Variants in LAMC2 observed in about 807,000 individuals in gnomAD.
LAMC2 encodes laminin subunit gamma-2.
In LAMC2, 97 loss-of-function variants were observed where a neutral mutation model predicts 140.2. The ratio of observed to expected loss-of-function variants is 0.69; its 90% CI spans 0.59 to 0.82. The LOEUF (loss-of-function observed/expected upper bound fraction) is 0.82. Among genes scored for constraint, LAMC2 ranks in the 40% least tolerant of loss-of-function variants. LAMC2 has a pLI of 0.00. For missense variants in LAMC2, 1,402 were observed against 1,476.1 expected, an observed-to-expected ratio of 0.95 and a Z score of 0.82; for synonymous variants, 513 against 540.2, an observed-to-expected ratio of 0.95 and a Z score of 0.70.
In LAMC2 at chr1:183,186,547, T is replaced by C. The variant is rs573579989; in HGVS notation, c.79+116T>C. 6.6e-5 allele frequency: 77 copies of C among 1,167,496 alleles called. No individual in the cohort carries two copies. The East Asian group carries it at 1.9e-3, about 29-fold the overall frequency. 72.3% of individuals were successfully genotyped at this position (1,167,496 alleles called of 1,614,324 possible). On this transcript the variant is annotated intron_variant, in intron 1 of 22. Transcript: ENST00000264144. ...ATTCCCACTTTGTCCAGAAACTTGT[T>C]AGAGCTCCCTTCTCCTCCCCTATCT...
intron 14 of LAMC2, among the ~76,000 whole-genome samples, chr1:183,233,840 C>A (rs1366375971): frequency 2.1e-5 from 3 of 146,112 alleles, no homozygotes; most frequent in Admixed American, 6.8e-5. Flanking sequence ...TATATACAGA[C>A]TTTTTTGAAC....
chr1:183,234,481 CGT>C, intron 15 of LAMC2, 35 bp downstream of exon 15: 1 of 1,533,088 alleles, frequency 6.5e-7, no homozygotes. Context: ...TGCTTCAAGC[CGT>C]CTCTGCAAGG....
At chr1:183,223,383 T>A in intron 7 of LAMC2, 59 bp downstream of exon 7, 2 of 1,489,934 alleles carry the variant, frequency 1.3e-6, no homozygotes, top group Non-Finnish European at 1.9e-6. Flanking sequence ...AGTTCAAGTT[T>A]GTTCTTTATT....
chr1:183,198,817 C>T (rs1240487541), intron 1 of LAMC2, among the ~76,000 whole-genome samples: 2 of 152,176 alleles, frequency 1.3e-5, no homozygotes, highest in African/African-American at 2.4e-5. Context: ...GGTCATAGAC[C>T]ACAGATGGGT....
intron 2 of LAMC2, among the ~76,000 whole-genome samples, chr1:183,214,609 G>A (rs150391260): frequency 2.0e-5 from 3 of 152,176 alleles, no homozygotes; most frequent in African/African-American, 7.2e-5. Flanking sequence ...TAGAGTGGGG[G>A]CCACTGGAGG....
intron 11 of LAMC2, among the ~76,000 whole-genome samples, chr1:183,230,317 C>G (rs758736975): frequency 6.6e-6 from 1 of 152,224 alleles, no homozygotes; most frequent in Non-Finnish European, 1.5e-5. Flanking sequence ...TGATAACACA[C>G]TTAGATACGT....
Position 183,228,617 on chromosome 1 carries a change from G to A in LAMC2, c.1712G>A (p.Arg571Gln), listed in dbSNP as rs1326425639. ...GCTCCCAACCCAGCAGACAAGTGTC[G>A]AGGTAGGACTCCACCCCAGGCAGGC... The part of the protein sequence containing the change: ...PLAPNPADKC[R>Q]ACNCNPMGSE... Residue 571 changes from arginine (R) to glutamine (Q), a missense_variant and splice_region_variant, in exon 11 of 23, where the codon CGA becomes CAA. Transcript: ENST00000264144. The surrounding 1 kb of genome is among the most constrained non-coding windows in gnomAD (Gnocchi z 4.3). 5 of 1,613,966 alleles carry A rather than the reference G, an allele frequency of 3.1e-6. No homozygotes were observed. The highest frequency in any genetic ancestry group is 2.2e-5 in the South Asian group (2 of 91,062).
chr1:183,235,076 T>C (rs903534573), intron 15 of LAMC2, among the ~76,000 whole-genome samples: 1 of 152,034 alleles, frequency 6.6e-6, no homozygotes, highest in African/African-American at 2.4e-5. Flanking sequence ...AGCTCGTTTT[T>C]AATTTTGTTT....
At chr1:183,226,110 G>A (rs1659617593) in intron 8 of LAMC2, among the ~76,000 whole-genome samples, 1 of 149,520 alleles carries the variant, frequency 6.7e-6, no homozygotes, top group Admixed American at 6.7e-5. Flanking sequence ...ATGCTAGCCT[G>A]TCTGAGTCAT....
chr1:183,202,609 C>T (rs532819288), intron 1 of LAMC2, among the ~76,000 whole-genome samples: 1 of 152,128 alleles, frequency 6.6e-6, no homozygotes, highest in Non-Finnish European at 1.5e-5. Context: ...GATCATGAAG[C>T]AGACAATTAT....
intron 15 of LAMC2, among the ~76,000 whole-genome samples, chr1:183,234,746 T>A (rs903629493): frequency 6.6e-6 from 1 of 152,156 alleles, no homozygotes; most frequent in Non-Finnish European, 1.5e-5. Context: ...GTGAAATGAA[T>A]CAGCCCTTGG....
intron 22 of LAMC2, among the ~76,000 whole-genome samples, chr1:183,242,812 G>A (rs1558100659): frequency 6.6e-6 from 1 of 151,388 alleles, no homozygotes; most frequent in African/African-American, 2.4e-5. Flanking sequence ...CTTGGATAGT[G>A]CTCAGTCCCC....
In LAMC2 at chr1:183,186,373, C is replaced by T. The variant is rs1414927760; in HGVS notation, c.21C>T (p.Gly7=). 1.9e-6 allele frequency: 3 copies of T among 1,604,270 alleles called. 1 individual carries two copies. Among genetic ancestry groups the T allele is most frequent in the Non-Finnish European group, 2.5e-6 (3 of 1,179,310 alleles). ...CCGCCATGCCTGCGCTCTGGCTGGG[C>T]TGCTGCCTCTGCTTCTCGCTCCTCC... MPALWL[G]CCLCFSLLLP... is the part of the protein sequence containing the mutation. The change falls in exon 1 of 23, where the codon GGC becomes GGT. Residue 7 remains glycine (G), a synonymous_variant. Transcript: ENST00000264144.
At chr1:183,187,164 T>G (rs945663028) in intron 1 of LAMC2, among the ~76,000 whole-genome samples, 1 of 152,256 alleles carries the variant, frequency 6.6e-6, no homozygotes, top group Non-Finnish European at 1.5e-5. Flanking sequence ...GATATATGCC[T>G]GTATAATTGC....
At position 183,226,800 on chromosome 1, in the gene LAMC2, G is replaced by A; in HGVS notation, c.1169G>A (p.Gly390Glu). 1 of 1,614,158 alleles carries A rather than the reference G, an allele frequency of 6.2e-7. No homozygotes were observed. Among genetic ancestry groups the A allele is most frequent in the Non-Finnish European group, 8.5e-7 (1 of 1,180,020 alleles). ...TGTATATGTCCTGTTGGGTACAAGG[G>A]GCAATTCTGCCAGGATTGTGCTTCT... Reference protein sequence around the residue: ...EQCICPVGYKGQFCQDCASGY... With the variant: ...EQCICPVGYKEQFCQDCASGY... Residue 390 changes from glycine (G) to glutamate (E), a missense_variant, in exon 9 of 23, where the codon GGG becomes GAG. Gly to Glu is a moderately conservative substitution (Grantham distance 98). Around this residue, in one of 3 missense-constraint regions of LAMC2, gnomAD observed 723 missense variants for 783.3 expected, o/e 0.92. Coordinates refer to ENST00000264144, the MANE Select transcript of LAMC2 (RefSeq NM_005562.3).
intron 3 of LAMC2, among the ~76,000 whole-genome samples, chr1:183,216,669 C>T (rs2102212248): frequency 6.6e-6 from 1 of 152,296 alleles, no homozygotes; most frequent in South Asian, 2.1e-4. Context: ...AGAGGCCTTC[C>T]TGCAGCAGTC....
At chr1:183,207,763 G>A (rs1297266487) in intron 1 of LAMC2, 118 bp from the exon 2 acceptor site, 43 of 899,212 alleles carry the variant, frequency 4.8e-5, no homozygotes, top group Non-Finnish European at 7.4e-5. Flanking sequence ...AGGAGTGTAG[G>A]TTACCATATA....
intron 2 of LAMC2, among the ~76,000 whole-genome samples, chr1:183,214,283 C>T (rs140446946): frequency 1.3e-5 from 2 of 152,222 alleles, no homozygotes; most frequent in East Asian, 3.9e-4. Flanking sequence ...GTGAGATCAT[C>T]CTAAGTCAAG....
chr1:183,256,798 G>A, the LAMC2 span, among the ~76,000 whole-genome samples: 1 of 152,094 alleles, frequency 6.6e-6, no homozygotes, highest in Non-Finnish European at 1.5e-5. Flanking sequence ...TGCCCAGGCT[G>A]GAGTGCAGCA....
Sources: gnomAD v4.1 joint callset for allele counts (sites outside exome capture counted in the v4.1 genomes callset) on GRCh38, gnomAD v4.1.1 for gene constraint, gnomAD v4.1.1 regional missense constraint, Gnocchi (gnomAD v3.1) non-coding constraint, MANE v1.5 for transcripts, NCBI Gene and HGNC (gene_info 2026-07-23, HGNC 2026-07-21) for gene names.